Variants in TSPAN18 observed in about 807,000 individuals in gnomAD.
TSPAN18 encodes the protein tetraspanin-18.
TSPAN18 carries 14 observed loss-of-function variants against 27.3 expected under a neutral mutation model. The ratio of observed to expected loss-of-function variants is 0.51; its 90% CI spans 0.34 to 0.80. The LOEUF is 0.80. Among genes scored for constraint, TSPAN18 ranks in the 30% least tolerant of loss-of-function variants. The probability of loss-of-function intolerance (pLI) is 0.01; values close to 1 mark genes in which losing one functional copy is unlikely to be tolerated. For missense variants in TSPAN18, 268 were observed against 323.9 expected (o/e 0.83, Z 1.32); for synonymous variants, 143 against 136.5 (o/e 1.05, Z -0.33).
At chr11:44,865,281 A>G (rs1858005806) in intron 3 of TSPAN18, among the ~76,000 whole-genome samples, 1 of 152,016 alleles carries the variant, frequency 6.6e-6, no homozygotes, top group Admixed American at 6.6e-5. Context: ...CAAATTCTCA[A>G]CTCTCATCTA....
intron 4 of TSPAN18, among the ~76,000 whole-genome samples, chr11:44,908,783 GAA>G (rs1282449712): frequency 1.8e-5 from 2 of 110,780 alleles, no homozygotes; most frequent in African/African-American, 8.1e-5. Context: ...AAGAAAGAAA[GAA>G]AGAAAGAAAG....
At chr11:44,920,165 G>A (rs1234684031) in intron 8 of TSPAN18, among the ~76,000 whole-genome samples, 166 bp downstream of exon 8, 1 of 152,218 alleles carries the variant, frequency 6.6e-6, no homozygotes, top group Non-Finnish European at 1.5e-5. Flanking sequence ...GGCTGATGGA[G>A]GCTCTCTGTC....
intron 3 of TSPAN18, among the ~76,000 whole-genome samples, chr11:44,864,140 A>T (rs1857969754): frequency 6.6e-6 from 1 of 151,980 alleles, no homozygotes; most frequent in African/African-American, 2.4e-5. Flanking sequence ...TACAAAAATT[A>T]GCCGGGTGTG....
At chr11:44,807,727 G>A (rs771072114) in intron 2 of TSPAN18, among the ~76,000 whole-genome samples, 35 of 152,128 alleles carry the variant, frequency 2.3e-4, no homozygotes, top group Non-Finnish European at 4.9e-4. Context: ...TCTCTGCTCC[G>A]CTGCCTGCTG....
intron 4 of TSPAN18, among the ~76,000 whole-genome samples, chr11:44,909,372 T>C (rs1477890937): frequency 6.6e-6 from 1 of 152,180 alleles, no homozygotes; most frequent in African/African-American, 2.4e-5. Flanking sequence ...AGGGTTGGAC[T>C]AGATGACCTC....
At chr11:44,816,497 C>T (rs1468740627) in intron 2 of TSPAN18, among the ~76,000 whole-genome samples, 1 of 152,192 alleles carries the variant, frequency 6.6e-6, no homozygotes, top group Non-Finnish European at 1.5e-5. Flanking sequence ...TGTGTTGACA[C>T]CAGGCCCTGG....
At chr11:44,901,394 C>T (rs75087235) in intron 3 of TSPAN18, 200 of 152,336 alleles carry the variant, frequency 1.3e-3, no homozygotes, top group Non-Finnish European at 2.3e-3. Flanking sequence ...CCCTTAATTG[C>T]TAAAGAGCCA....
chr11:44,844,028 G>T (rs1227433356), intron 2 of TSPAN18, among the ~76,000 whole-genome samples: 1 of 152,198 alleles, frequency 6.6e-6, no homozygotes, highest in African/African-American at 2.4e-5. Flanking sequence ...AATCACAAGG[G>T]TATTGATTGG....
intron 2 of TSPAN18, among the ~76,000 whole-genome samples, chr11:44,803,233 C>A (rs1039682406): frequency 1.3e-5 from 2 of 152,022 alleles, no homozygotes; most frequent in African/African-American, 4.8e-5. Context: ...ACAGAGAAGC[C>A]AAGAAAGGAT....
chr11:44,768,059 C>T (rs1187222712), intron 2 of TSPAN18, among the ~76,000 whole-genome samples: 2 of 152,182 alleles, frequency 1.3e-5, no homozygotes, highest in Non-Finnish European at 2.9e-5. Flanking sequence ...TTGTTCTTCT[C>T]TTTCAATTTT....
intron 2 of TSPAN18, among the ~76,000 whole-genome samples, chr11:44,766,182 G>A (rs1855563945): frequency 6.6e-6 from 1 of 152,158 alleles, no homozygotes; most frequent in Non-Finnish European, 1.5e-5. Context: ...GTGTGCCACT[G>A]GCTGCCCTAG....
intron 3 of TSPAN18, among the ~76,000 whole-genome samples, chr11:44,898,015 C>T (rs1179730741): frequency 1.3e-5 from 2 of 152,138 alleles, no homozygotes; most frequent in African/African-American, 2.4e-5. Context: ...TCTCTTTTTG[C>T]TCTTTTCCCA....
chr11:44,914,341 T>C (rs1040040304), intron 5 of TSPAN18, among the ~76,000 whole-genome samples: 2 of 152,206 alleles, frequency 1.3e-5, no homozygotes, highest in Non-Finnish European at 2.9e-5. Flanking sequence ...GCTCTGTCAT[T>C]TCCTGGCTGT....
chr11:44,878,454 A>C (rs1436853245), intron 3 of TSPAN18, among the ~76,000 whole-genome samples: 4 of 152,032 alleles, frequency 2.6e-5, no homozygotes, highest in African/African-American at 7.2e-5. Flanking sequence ...AAGCAGGAGG[A>C]AAGGAAAGAA....
chr11:44,877,997 A>T (rs1427594143), intron 3 of TSPAN18, among the ~76,000 whole-genome samples: 1 of 151,978 alleles, frequency 6.6e-6, no homozygotes, highest in Non-Finnish European at 1.5e-5. Flanking sequence ...GTGCACACAC[A>T]CAGACACACG....
At chr11:44,884,522 C>T (rs1003932117) in intron 3 of TSPAN18, among the ~76,000 whole-genome samples, 1 of 152,190 alleles carries the variant, frequency 6.6e-6, no homozygotes, top group Admixed American at 6.5e-5. Flanking sequence ...GGAAAGATCC[C>T]CCCTGTGCGG....
intron 1 of TSPAN18, among the ~76,000 whole-genome samples, chr11:44,728,459 T>A (rs1056677365): frequency 6.6e-6 from 1 of 152,114 alleles, no homozygotes; most frequent in Admixed American, 6.5e-5. Context: ...CGAATCCCTG[T>A]CTGGTGAAGG....
At chr11:44,902,317 G>T (rs186408813) in intron 3 of TSPAN18, among the ~76,000 whole-genome samples, 16 of 152,344 alleles carry the variant, frequency 1.1e-4, no homozygotes, top group Admixed American at 9.8e-4. Flanking sequence ...GATGGGCTGG[G>T]ATTCGAACCC....
At chr11:44,757,777 G>C (rs1302838501) in intron 1 of TSPAN18, among the ~76,000 whole-genome samples, 1 of 152,150 alleles carries the variant, frequency 6.6e-6, no homozygotes, top group Non-Finnish European at 1.5e-5. Context: ...ATCATCTTTG[G>C]AGAAATGTCT....
Sources: gnomAD v4.1 joint callset for allele counts (sites outside exome capture counted in the v4.1 genomes callset) on GRCh38, gnomAD v4.1.1 for gene constraint, MANE v1.5 for transcripts, NCBI Gene and HGNC (gene_info 2026-07-23, HGNC 2026-07-21) for gene names.